Variants in CSMD1 observed in about 807,000 individuals in gnomAD.
CSMD1 encodes the protein CUB and Sushi multiple domains 1.
In CSMD1, 213 loss-of-function variants were observed where a neutral mutation model predicts 417.5. The ratio of observed to expected loss-of-function variants is 0.51; its 90% CI spans 0.46 to 0.57. The LOEUF (loss-of-function observed/expected upper bound fraction) is 0.57. CSMD1 is among the 20% of genes least tolerant of loss of function. CSMD1 has a pLI of 0.00. For synonymous variants in CSMD1, 2,862 were observed against 1,736.8 expected (o/e 1.65, Z -16.11); for missense variants, 6,923 against 4,529.7 (o/e 1.53, Z -15.17).
chr8:4,342,160 C>A (rs997888800), intron 3 of CSMD1, among the ~76,000 whole-genome samples: 2 of 151,850 alleles, frequency 1.3e-5, no homozygotes, highest in East Asian at 3.9e-4. Flanking sequence ...GTCTACCAAG[C>A]CACATTCTTA....
chr8:4,984,523 CAA>C (rs1247957811), intron 1 of CSMD1, among the ~76,000 whole-genome samples: 1 of 152,204 alleles, frequency 6.6e-6, no homozygotes, highest in African/African-American at 2.4e-5. Context: ...ATGAAAAACA[CAA>C]AGTTTTCTTG....
chr8:3,277,038 C>A (rs1367611012), intron 26 of CSMD1, among the ~76,000 whole-genome samples: 1 of 152,046 alleles, frequency 6.6e-6, no homozygotes, highest in African/African-American at 2.4e-5. Flanking sequence ...GAGATAGGCA[C>A]ACTGGAATTT....
chr8:4,166,819 T>C (rs964655236), intron 3 of CSMD1, among the ~76,000 whole-genome samples: 2 of 152,232 alleles, frequency 1.3e-5, no homozygotes, highest in Non-Finnish European at 2.9e-5. Context: ...GACAATATTT[T>C]ACACTACTTA....
intron 2 of CSMD1, among the ~76,000 whole-genome samples, chr8:4,522,000 A>T (rs554454386): frequency 6.6e-6 from 1 of 152,264 alleles, no homozygotes; most frequent in African/African-American, 2.4e-5. Flanking sequence ...AAATTTTGAA[A>T]ATCAAGTGAA....
chr8:3,671,098 GTATGGGATATATATGTA>G (rs917760144), intron 7 of CSMD1, among the ~76,000 whole-genome samples: 1 of 137,440 alleles, frequency 7.3e-6, no homozygotes, highest in Non-Finnish European at 1.6e-5. Context: ...GGATATATAT[GTATGGGATATATATGTA>G]TATGGGATAT....
intron 3 of CSMD1, among the ~76,000 whole-genome samples, chr8:4,353,846 T>C (rs1801241136): frequency 6.6e-6 from 1 of 152,226 alleles, no homozygotes; most frequent in African/African-American, 2.4e-5. Flanking sequence ...TGACCCGCAC[T>C]TAATTATGGC....
At chr8:4,901,310 G>A (rs184423109) in intron 1 of CSMD1, among the ~76,000 whole-genome samples, 17 of 152,270 alleles carry the variant, frequency 1.1e-4, no homozygotes, top group South Asian at 2.1e-4. Context: ...TATTCCGCTT[G>A]TGTCATCTGA....
intron 42 of CSMD1, among the ~76,000 whole-genome samples, chr8:3,115,735 C>G (rs1157789990): frequency 6.6e-6 from 1 of 152,056 alleles, no homozygotes; most frequent in African/African-American, 2.4e-5. Context: ...TATATAAATA[C>G]AAATTGATTT....
intron 3 of CSMD1, among the ~76,000 whole-genome samples, chr8:4,254,005 C>T (rs1008489697): frequency 1.3e-5 from 2 of 148,752 alleles, no homozygotes; most frequent in Non-Finnish European, 3.0e-5. Context: ...CAAGCTCTGC[C>T]TCCAGGGTTC....
intron 5 of CSMD1, among the ~76,000 whole-genome samples, chr8:3,866,675 A>G (rs1322477225): frequency 7.7e-6 from 1 of 129,194 alleles, no homozygotes; most frequent in Non-Finnish European, 1.8e-5. Flanking sequence ...TAAGATTTCT[A>G]TAGATACAGC....
At chr8:3,835,196 G>C (rs1182489602) in intron 5 of CSMD1, among the ~76,000 whole-genome samples, 1 of 149,812 alleles carries the variant, frequency 6.7e-6, no homozygotes, top group African/African-American at 2.5e-5. Flanking sequence ...AATACCATTT[G>C]ACCCAGCCAT....
intron 20 of CSMD1, among the ~76,000 whole-genome samples, chr8:3,362,163 C>T (rs553623706): frequency 2.6e-5 from 4 of 152,224 alleles, no homozygotes; most frequent in Admixed American, 2.6e-4. Context: ...AAACCACCAA[C>T]AAAACAAACT....
chr8:4,543,569 T>C (rs566249402), intron 2 of CSMD1, among the ~76,000 whole-genome samples: 1 of 149,324 alleles, frequency 6.7e-6, no homozygotes. Flanking sequence ...CAGTTTTGAC[T>C]ATAAACGTTC....
rs190421832 is a variant in CSMD1 at position 3,597,425 on chromosome 8, T to A, written c.1098-11165A>T. Among the ~76,000 whole-genome samples the A allele has an allele frequency of 1.6e-3, 110 of 69,966 alleles. 1 individual carries two copies. In the East Asian group the frequency reaches 0.06, roughly 38 times the overall value. The allele number at this position is 69,966 out of a possible 152,430, so 45.9% of individuals were successfully genotyped here. A position where few individuals can be genotyped will look rare whatever the true frequency, so the allele number is the denominator to read the frequency against. On this transcript the variant is annotated intron_variant, in intron 8 of 69. Transcript: ENST00000635120. The stretch of plus-strand genomic sequence containing the variant: ...AATCCCAAATAAAGTAGGGAACTAC[T>A]TTCAATGCAAGCCCCAAGACCTAGA...
chr8:3,693,976 ATGTGTGTTGTTAGTGTG>A (rs1164665593), intron 7 of CSMD1, among the ~76,000 whole-genome samples: 1 of 143,528 alleles, frequency 7.0e-6, no homozygotes, highest in Non-Finnish European at 1.5e-5. Flanking sequence ...TGTGTTGGGT[ATGTGTGTTGTTAGTGTG>A]TGTGTGTTGT....
chr8:4,471,844 G>A (rs561294410), intron 2 of CSMD1, among the ~76,000 whole-genome samples: 5 of 152,214 alleles, frequency 3.3e-5, no homozygotes, highest in East Asian at 1.9e-4. Flanking sequence ...CTGCAAGGAA[G>A]GTGTTTTCAA....
intron 3 of CSMD1, among the ~76,000 whole-genome samples, chr8:4,156,992 T>C (rs750912102): frequency 1.3e-5 from 2 of 151,994 alleles, no homozygotes; most frequent in Admixed American, 6.6e-5. Flanking sequence ...ACATCCCAGA[T>C]GATATTAAGT....
intron 8 of CSMD1, among the ~76,000 whole-genome samples, chr8:3,592,539 G>A (rs1324852640): frequency 6.6e-6 from 1 of 152,122 alleles, no homozygotes; most frequent in Non-Finnish European, 1.5e-5. Context: ...GGGGGCAGTA[G>A]CTGCAGCCAC....
At position 3,201,641 on chromosome 8, in the gene CSMD1, A is replaced by C. The variant is rs1796998847; in HGVS notation, c.5069T>G (p.Leu1690Arg). The change falls in exon 32 of 70, where the codon CTT (leucine) becomes CGT (arginine). Residue 1690 changes from leucine (L) to arginine (R), a missense_variant. Leu to Arg is a moderately radical substitution (Grantham distance 102). Coordinates refer to ENST00000635120, the MANE Select transcript of CSMD1 (RefSeq NM_033225.6). ...LFDGTHAQAR[L>R]LSSLSGSHSG... The stretch of plus-strand genomic sequence containing the variant: ...GTGAGACCCCGAGAGTGAGCTGAGA[A>C]GTCTGGCCTGTGCATGGGTTCCATC... 2 of 1,605,306 alleles carry C rather than the reference A, an allele frequency of 1.2e-6. No homozygotes were observed. The highest frequency in any genetic ancestry group is 1.7e-6 in the Non-Finnish European group (2 of 1,175,708).
Sources: allele counts gnomAD v4.1 joint callset (sites outside exome capture counted in the v4.1 genomes callset), GRCh38; gene constraint gnomAD v4.1.1; transcripts MANE v1.5; gene names NCBI Gene and HGNC (gene_info 2026-07-23, HGNC 2026-07-21).